Variants in CFAP73 observed in about 807,000 individuals in gnomAD.
CFAP73 encodes cilia and flagella associated protein 73.
In CFAP73, 33 loss-of-function variants were observed where a neutral mutation model predicts 42.9. The observed-to-expected ratio is 0.77, with a 90% CI of 0.58 to 1.03. The LOEUF (loss-of-function observed/expected upper bound fraction) is 1.03. Among genes scored for constraint, CFAP73 ranks in the 50% least tolerant of loss-of-function variants. The pLI, the probability that CFAP73 is intolerant of heterozygous loss-of-function variation, is 0.00. For synonymous variants in CFAP73, 162 were observed against 186.8 expected, an observed-to-expected ratio of 0.87 and a Z score of 1.08; for missense variants, 392 against 411.9, an observed-to-expected ratio of 0.95 and a Z score of 0.42.
rs200795985 is a variant in CFAP73 at position 113,155,929 on chromosome 12, C to CTT, written c.849+526_849+527dup. 2.6e-4 allele frequency among the ~76,000 whole-genome samples: 36 copies of CTT among 136,434 alleles called. No homozygotes were observed. The East Asian group carries it at 3.4e-3, about 13-fold the overall frequency. The allele number at this position is 136,434 out of a possible 152,430, so 89.5% of individuals were successfully genotyped here. A position where few individuals can be genotyped will look rare whatever the true frequency, so the allele number is the denominator to read the frequency against. ...TGTGTGGTGTAGAATGTGCCATAGGCTTTTTTTTTTTTTTTTGAGACAGAG... is the reference window on the plus strand; with the variant it reads ...TGTGTGGTGTAGAATGTGCCATAGGCTTTTTTTTTTTTTTTTTTGAGACAGAG... On this transcript the variant is annotated intron_variant, in intron 6 of 7. Coordinates refer to ENST00000335621, the MANE Select transcript of CFAP73 (RefSeq NM_001144872.3).
Position 113,154,646 on chromosome 12 carries a change from C to T in CFAP73, c.690+11C>T. On this transcript the variant is annotated intron_variant, in intron 5 of 7. Coordinates refer to ENST00000335621, the MANE Select transcript of CFAP73 (RefSeq NM_001144872.3). The surrounding 1 kb of genome is among the most constrained non-coding windows in gnomAD (Gnocchi z 4.7). The stretch of plus-strand genomic sequence containing the variant: ...CGTACGCTGCAGTGGGTACGACCCG[C>T]CCTAGGTGGGGGGCGCTCCGGACCC... 1 of 1,388,128 alleles carries T rather than the reference C, an allele frequency of 7.2e-7. No individual in the cohort carries two copies. The highest frequency in any genetic ancestry group is 9.3e-7 in the Non-Finnish European group (1 of 1,080,606). 86.0% of individuals were successfully genotyped at this position (1,388,128 alleles called of 1,614,324 possible).
Position 113,154,363 on chromosome 12 carries a change from G to A in CFAP73, c.469-51G>A. On this transcript the variant is annotated intron_variant, in intron 4 of 7. Coordinates refer to ENST00000335621, the MANE Select transcript of CFAP73 (RefSeq NM_001144872.3). This position sits in a 1 kb window ranked among gnomAD's most constrained non-coding sequence, Gnocchi z 4.7. ...CGCTGGCGGCCAGGTGGGATGGAGA[G>A]GGTAAGGCACTGCAGGCCCATGTGA... 2 of 1,538,684 alleles carry A rather than the reference G, an allele frequency of 1.3e-6. No individual in the cohort carries two copies. The highest frequency in any genetic ancestry group is 1.8e-6 in the Non-Finnish European group (2 of 1,138,764).
chr12:113,152,733 G>T, intron 2 of CFAP73, 50 bp from the exon 3 acceptor site: 1 of 1,332,816 alleles, frequency 7.5e-7, no homozygotes, highest in Non-Finnish European at 1.1e-6. Flanking sequence ...GACAGCATGG[G>T]AGGACCCGGA....
intron 1 of CFAP73, 32 bp downstream of exon 1, chr12:113,149,945 A>G (rs1203811245): frequency 6.5e-7 from 1 of 1,548,250 alleles, no homozygotes; most frequent in Non-Finnish European, 8.7e-7. Context: ...GGAGGGCTAG[A>G]AGGAGGGCGG....
At position 113,154,769 on chromosome 12, in the gene CFAP73, C is replaced by G; in HGVS notation, c.690+134C>G. On this transcript the variant is annotated intron_variant, in intron 5 of 7. Coordinates refer to ENST00000335621, the MANE Select transcript of CFAP73 (RefSeq NM_001144872.3). This position sits in a 1 kb window ranked among gnomAD's most constrained non-coding sequence, Gnocchi z 4.7. The stretch of plus-strand genomic sequence containing the variant: ...GGTCCGCTGCACTAAGGAGGGGAAT[C>G]TCAGGCATCACCGAGCCGTTTCGGG... 1.5e-6 allele frequency: 2 copies of G among 1,328,100 alleles called. No individual in the cohort carries two copies. Among genetic ancestry groups the G allele is most frequent in the Non-Finnish European group, 1.9e-6 (2 of 1,044,480 alleles). 82.3% of individuals were successfully genotyped at this position (1,328,100 alleles called of 1,614,324 possible). A position where few individuals can be genotyped will look rare whatever the true frequency, so the allele number is the denominator to read the frequency against.
At chr12:113,152,048 G>A (rs1324679867) in intron 2 of CFAP73, 25 bp downstream of exon 2, 1 of 1,513,258 alleles carries the variant, frequency 6.6e-7, no homozygotes, top group East Asian at 2.5e-5. Flanking sequence ...CTGTAACGAG[G>A]TGGTGAGCTG....
Position 113,154,763 on chromosome 12 carries a change from GGGAATCTCA to G in CFAP73, c.690+131_690+139del. The G allele has an allele frequency of 7.5e-7, 1 of 1,331,340 alleles. No individual in the cohort carries two copies. The highest frequency in any genetic ancestry group is 9.6e-7 in the Non-Finnish European group (1 of 1,046,682). 82.5% of individuals were successfully genotyped at this position (1,331,340 alleles called of 1,614,324 possible). A position where few individuals can be genotyped will look rare whatever the true frequency, so the allele number is the denominator to read the frequency against. ...CCAGAGGGTCCGCTGCACTAAGGAGGGGAATCTCAGGCATCACCGAGCCGTTTCGGGCAT... is the reference window on the plus strand; with the variant it reads ...CCAGAGGGTCCGCTGCACTAAGGAGGGGCATCACCGAGCCGTTTCGGGCAT... On this transcript the variant is annotated intron_variant, in intron 5 of 7. Coordinates refer to ENST00000335621, the MANE Select transcript of CFAP73 (RefSeq NM_001144872.3). This position sits in a 1 kb window ranked among gnomAD's most constrained non-coding sequence, Gnocchi z 4.7.
chr12:113,151,130 C>G (rs1397312308), intron 1 of CFAP73, among the ~76,000 whole-genome samples: 1 of 152,068 alleles, frequency 6.6e-6, no homozygotes, highest in Non-Finnish European at 1.5e-5. Flanking sequence ...CAGCTGCACC[C>G]CCAGTGCCTA....
chr12:113,152,723 G>A (rs1308381614), intron 2 of CFAP73, 60 bp from the exon 3 acceptor site: 3 of 1,223,456 alleles, frequency 2.5e-6, no homozygotes, highest in African/African-American at 1.5e-5. Flanking sequence ...GTGTGAACCT[G>A]ACAGCATGGG....
Position 113,154,050 on chromosome 12 carries a change from C to T in CFAP73, c.469-364C>T, listed in dbSNP as rs936817864. On this transcript the variant is annotated intron_variant, in intron 4 of 7. Coordinates refer to ENST00000335621, the MANE Select transcript of CFAP73 (RefSeq NM_001144872.3). This position sits in a 1 kb window ranked among gnomAD's most constrained non-coding sequence, Gnocchi z 4.7. ...CCTGTAATCCCAACACTTTGGGGGG[C>T]CAAGGCGGGAGGATTGCTTGAAGCC... 2.0e-5 allele frequency among the ~76,000 whole-genome samples: 3 copies of T among 152,004 alleles called. No individual in the cohort carries two copies. The highest frequency in any genetic ancestry group is 2.0e-4 in the East Asian group (1 of 5,112).
At chr12:113,153,175 T>C in intron 3 of CFAP73, 33 bp from the exon 4 acceptor site, 1 of 1,465,484 alleles carries the variant, frequency 6.8e-7, no homozygotes, top group Non-Finnish European at 9.0e-7. Context: ...TCCTGAGTCC[T>C]GAAGGTCGTC....
chr12:113,152,932 G>C, intron 3 of CFAP73, 45 bp downstream of exon 3: 2 of 1,345,350 alleles, frequency 1.5e-6, no homozygotes, highest in Non-Finnish European at 2.1e-6. Context: ...ATGGGTAGCA[G>C]CCCACACTCC....
rs1952175087 is a variant in CFAP73 at position 113,159,161 on chromosome 12, C to A, written c.*472C>A. 6.6e-7 allele frequency: 1 copy of A among 1,520,572 alleles called. No homozygotes were observed. The highest frequency in any genetic ancestry group is 8.8e-7 in the Non-Finnish European group (1 of 1,132,526). 94.2% of individuals were successfully genotyped at this position (1,520,572 alleles called of 1,614,324 possible). On this transcript the variant is annotated 3_prime_UTR_variant, in exon 8 of 8. Transcript: ENST00000335621. Reference sequence around the variant, plus strand: ...CAGCTGTTGGGATCACTCCCAAGATCCCCTCCTCCCAGAAGCTTGCAGACT... The same window carrying A: ...CAGCTGTTGGGATCACTCCCAAGATACCCTCCTCCCAGAAGCTTGCAGACT...
chr12:113,156,420 C>A (rs574263503), intron 6 of CFAP73, among the ~76,000 whole-genome samples: 4 of 151,618 alleles, frequency 2.6e-5, no homozygotes, highest in Non-Finnish European at 5.9e-5. Flanking sequence ...TCTTAAGACA[C>A]GAGTCTGCCA....
At chr12:113,157,494 G>A (rs1952142883) in intron 6 of CFAP73, 108 bp from the exon 7 acceptor site, 2 of 808,632 alleles carry the variant, frequency 2.5e-6, no homozygotes, top group Admixed American at 4.3e-5. Context: ...TTTTAATGAG[G>A]GGATCTCCAG....
Position 113,154,665 on chromosome 12 carries a change from C to G in CFAP73, c.690+30C>G. 1 of 1,380,810 alleles carries G rather than the reference C, an allele frequency of 7.2e-7. No homozygotes were observed. The highest frequency in any genetic ancestry group is 9.3e-7 in the Non-Finnish European group (1 of 1,076,396). 85.5% of individuals were successfully genotyped at this position (1,380,810 alleles called of 1,614,324 possible). A position where few individuals can be genotyped will look rare whatever the true frequency, so the allele number is the denominator to read the frequency against. On this transcript the variant is annotated intron_variant, in intron 5 of 7. Coordinates refer to ENST00000335621, the MANE Select transcript of CFAP73 (RefSeq NM_001144872.3). The surrounding 1 kb of genome is among the most constrained non-coding windows in gnomAD (Gnocchi z 4.7). ...GACCCGCCCTAGGTGGGGGGCGCTCCGGACCCCAGGCTTCCACAGCCGGGC... is the reference window on the plus strand; with the variant it reads ...GACCCGCCCTAGGTGGGGGGCGCTCGGGACCCCAGGCTTCCACAGCCGGGC...
chr12:113,153,080 C>A, intron 3 of CFAP73, 128 bp from the exon 4 acceptor site: 1 of 1,088,466 alleles, frequency 9.2e-7, no homozygotes, highest in Non-Finnish European at 1.3e-6. Flanking sequence ...GGTGAAGAGC[C>A]AGCTTCCGAG....
intron 1 of CFAP73, among the ~76,000 whole-genome samples, chr12:113,150,983 A>G (rs1158487482): frequency 6.6e-6 from 1 of 151,988 alleles, no homozygotes; most frequent in Non-Finnish European, 1.5e-5. Context: ...TAGTCCACTT[A>G]ATTTTTCATC....
intron 6 of CFAP73, chr12:113,157,261 A>G (rs1592993113): frequency 3.5e-6 from 1 of 287,218 alleles, no homozygotes; most frequent in Non-Finnish European, 6.5e-6. Context: ...CACGGAGATA[A>G]GAGTAGGTCA....
Sources: gnomAD v4.1 joint callset for allele counts (sites outside exome capture counted in the v4.1 genomes callset) on GRCh38, gnomAD v4.1.1 for gene constraint, Gnocchi (gnomAD v3.1) non-coding constraint, MANE v1.5 for transcripts, NCBI Gene and HGNC (gene_info 2026-07-23, HGNC 2026-07-21) for gene names.